Variants in PTK2 observed in about 807,000 individuals in gnomAD.
PTK2 encodes focal adhesion kinase 1.
Under a neutral mutation model 150.1 loss-of-function variants are expected in PTK2, and 45 were observed. That is an observed-to-expected ratio of 0.30 (90% CI 0.24 to 0.38). PTK2 has a LOEUF of 0.38. PTK2 is among the 10% of genes least tolerant of loss of function. The probability of loss-of-function intolerance (pLI) is 1.00; values close to 1 mark genes in which losing one functional copy is unlikely to be tolerated. For missense variants in PTK2, 919 were observed against 1,307.3 expected, an observed-to-expected ratio of 0.70 and a Z score of 4.58; for synonymous variants, 432 against 449.2, an observed-to-expected ratio of 0.96 and a Z score of 0.48.
intron 14 of PTK2, chr8:140,769,580 C>T: frequency 7.3e-7 from 1 of 1,361,038 alleles, no homozygotes; most frequent in Non-Finnish European, 9.8e-7. Context: ...ATTACCGTCC[C>T]CACTAATTTC....
In PTK2 at chr8:140,911,218, T is replaced by C. The variant is rs531943549; in HGVS notation, c.-33+14443A>G. ...TTCTTTTTTATTGTAGGTTTTTGTC[T>C]GCCTTTTTTTTCTGGCAATTTTATT... On this transcript the variant is annotated intron_variant, in intron 2 of 31. Coordinates refer to ENST00000522684, the Ensembl canonical transcript of PTK2. 1.4e-4 allele frequency among the ~76,000 whole-genome samples: 21 copies of C among 152,212 alleles called. No homozygotes were observed. The South Asian group carries it at 4.4e-3, about 32-fold the overall frequency.
intron 14 of PTK2, 40 bp downstream of exon 14, chr8:140,789,434 T>C (rs371853438): frequency 3.4e-5 from 55 of 1,602,588 alleles, no homozygotes; most frequent in African/African-American, 1.3e-4. Context: ...TCTTACCCCA[T>C]GAGAGTGCTT....
chr8:140,798,706 A>C (rs1481438849), intron 12 of PTK2, among the ~76,000 whole-genome samples: 1 of 152,222 alleles, frequency 6.6e-6, no homozygotes, highest in Non-Finnish European at 1.5e-5. Context: ...AAAGATGAAA[A>C]ATTATTCACT....
intron 7 of PTK2, among the ~76,000 whole-genome samples, chr8:140,832,681 T>C (rs1336403670): frequency 2.0e-5 from 3 of 151,960 alleles, no homozygotes; most frequent in Non-Finnish European, 4.4e-5. Flanking sequence ...GAGGGGCTAC[T>C]GTGGACAAAG....
intron 22 of PTK2, chr8:140,732,623 A>T (rs781156276): frequency 1.9e-6 from 1 of 518,264 alleles, no homozygotes; most frequent in South Asian, 1.5e-5. Context: ...GATGAGACAT[A>T]CTAGACTGTG....
chr8:140,981,223 A>G (rs1020597879), intron 1 of PTK2, among the ~76,000 whole-genome samples: 3 of 152,144 alleles, frequency 2.0e-5, no homozygotes, highest in Non-Finnish European at 4.4e-5. Flanking sequence ...TGTCACCACC[A>G]AGAGAGAAAG....
intron 7 of PTK2, among the ~76,000 whole-genome samples, chr8:140,835,511 A>T (rs1234324321): frequency 6.6e-6 from 1 of 152,192 alleles, no homozygotes; most frequent in Non-Finnish European, 1.5e-5. Context: ...TTCACCTCTA[A>T]ATTATACTCA....
chr8:140,760,297 T>C (rs2100068665), intron 16 of PTK2, among the ~76,000 whole-genome samples: 1 of 152,100 alleles, frequency 6.6e-6, no homozygotes, highest in African/African-American at 2.4e-5. Flanking sequence ...CACAGAAACA[T>C]TTTAATAGTC....
intron 2 of PTK2, among the ~76,000 whole-genome samples, chr8:140,892,425 A>G (rs1335517542): frequency 6.6e-6 from 1 of 152,144 alleles, no homozygotes; most frequent in East Asian, 1.9e-4. Context: ...GGTCCCAGCT[A>G]CTTGGGAGGC....
chr8:140,672,376 G>T (rs1338666378), intron 29 of PTK2, among the ~76,000 whole-genome samples: 1 of 152,130 alleles, frequency 6.6e-6, no homozygotes, highest in Non-Finnish European at 1.5e-5. Flanking sequence ...ATTGGGAAGG[G>T]TGTGTCCTTC....
At chr8:140,811,054 G>A (rs921748091) in intron 10 of PTK2, among the ~76,000 whole-genome samples, 4 of 152,212 alleles carry the variant, frequency 2.6e-5, no homozygotes, top group Non-Finnish European at 4.4e-5. Flanking sequence ...GCTGATGAGC[G>A]TGCATCCCAG....
At chr8:140,841,615 T>C (rs764725793) in intron 7 of PTK2, among the ~76,000 whole-genome samples, 8 of 152,014 alleles carry the variant, frequency 5.3e-5, no homozygotes, top group Non-Finnish European at 8.8e-5. Flanking sequence ...AAAGACAAAC[T>C]TCTGTAATGA....
intron 15 of PTK2, 81 bp from the exon 19 acceptor site, chr8:140,761,343 T>C (rs2100069332): frequency 2.6e-6 from 3 of 1,141,696 alleles, no homozygotes; most frequent in South Asian, 1.2e-5. Context: ...TTCTTGATCA[T>C]CCATAAGTAA....
exon 11 of PTK2, chr8:140,803,547 G>C (rs748385105): frequency 1.2e-6 from 2 of 1,606,890 alleles, no homozygotes; most frequent in East Asian, 4.5e-5. Context: ...CCTTACCTCG[G>C]GTGCACCTGC....
intron 2 of PTK2, among the ~76,000 whole-genome samples, chr8:140,897,278 A>C (rs1158248854): frequency 6.6e-6 from 1 of 152,228 alleles, no homozygotes; most frequent in Non-Finnish European, 1.5e-5. Flanking sequence ...ACATTTTTTT[A>C]AAGATAAACT....
chr8:140,915,747 A>T (rs1602657289), intron 2 of PTK2, among the ~76,000 whole-genome samples: 1 of 151,790 alleles, frequency 6.6e-6, no homozygotes. Context: ...AAAAAAAATT[A>T]AAAAATTTGC....
At chr8:140,752,381 T>G (rs1021432028) in intron 16 of PTK2, 65 bp from the exon 20 acceptor site, 1 of 1,448,358 alleles carries the variant, frequency 6.9e-7, no homozygotes. Flanking sequence ...AATTGATTCA[T>G]GAAAACCTGT....
At chr8:140,931,856 C>T (rs2100171908) in intron 1 of PTK2, among the ~76,000 whole-genome samples, 1 of 147,034 alleles carries the variant, frequency 6.8e-6, no homozygotes, top group Non-Finnish European at 1.5e-5. Flanking sequence ...CTGTTTGAGC[C>T]CAGAAGGTGG....
chr8:140,778,333 T>C (rs1454206906), intron 14 of PTK2, among the ~76,000 whole-genome samples: 4 of 152,288 alleles, frequency 2.6e-5, no homozygotes, highest in South Asian at 4.1e-4. Context: ...CATCTGTAGT[T>C]CCAGCTACTC....
Sources: allele counts gnomAD v4.1 joint callset (sites outside exome capture counted in the v4.1 genomes callset), GRCh38; gene constraint gnomAD v4.1.1; transcripts MANE v1.5; gene names NCBI Gene and HGNC (gene_info 2026-07-23, HGNC 2026-07-21).